The following THSD7B variants were observed in gnomAD, a reference collection of about 807,000 sequenced individuals.
The protein encoded by THSD7B is thrombospondin type 1 domain containing 7B.
A neutral mutation model predicts 213.6 loss-of-function variants in THSD7B; 138 were observed. The observed-to-expected ratio is 0.65, with a 90% CI of 0.56 to 0.74. THSD7B has a LOEUF of 0.74. Ranked by LOEUF, THSD7B falls within the 30% of genes least tolerant of loss-of-function variation. The pLI, the probability that THSD7B is intolerant of heterozygous loss-of-function variation, is 0.00. For missense variants in THSD7B, 1,931 were observed against 1,991.5 expected (o/e 0.97, Z 0.58); for synonymous variants, 742 against 687.0 (o/e 1.08, Z -1.25).
intron 3 of THSD7B, among the ~76,000 whole-genome samples, chr2:137,093,756 T>G (rs1316258658): frequency 1.3e-5 from 2 of 151,386 alleles, no homozygotes; most frequent in Admixed American, 1.3e-4. Context: ...CATTATCTTT[T>G]TTTTTAATTT....
intron 9 of THSD7B, among the ~76,000 whole-genome samples, chr2:137,241,815 G>A (rs1681912157): frequency 6.6e-6 from 1 of 151,814 alleles, no homozygotes; most frequent in Admixed American, 6.6e-5. Flanking sequence ...AGGCTGAGGT[G>A]TGAGAGTCAC....
At chr2:136,808,022 A>C (rs890611549) in intron 1 of THSD7B, among the ~76,000 whole-genome samples, 3 of 152,170 alleles carry the variant, frequency 2.0e-5, no homozygotes, top group African/African-American at 7.2e-5. Context: ...GCTAAATAGG[A>C]CTTCCTACTG....
intron 15 of THSD7B, among the ~76,000 whole-genome samples, chr2:137,464,934 C>A (rs1687962950): frequency 6.6e-6 from 1 of 151,958 alleles, no homozygotes; most frequent in African/African-American, 2.4e-5. Context: ...TCTCTCTCTG[C>A]AATCTTATGT....
chr2:137,486,255 C>T (rs928341658), intron 15 of THSD7B, among the ~76,000 whole-genome samples: 8 of 151,690 alleles, frequency 5.3e-5, no homozygotes, highest in Non-Finnish European at 1.2e-4. Context: ...AAACCCATCT[C>T]ACGTGCAGAG....
intron 21 of THSD7B, among the ~76,000 whole-genome samples, chr2:137,654,932 C>A (rs1683207157): frequency 6.6e-6 from 1 of 152,124 alleles, no homozygotes; most frequent in Non-Finnish European, 1.5e-5. Flanking sequence ...AGACACTGTA[C>A]AAATTTTTTC....
Position 137,649,906 on chromosome 2 carries a change from G to A in THSD7B, c.3946-5595G>A, listed in dbSNP as rs141352602. Among the ~76,000 whole-genome samples, 81 of 151,998 alleles carry A rather than the reference G, an allele frequency of 5.3e-4. 1 individual carries two copies. The highest frequency in any genetic ancestry group is 1.9e-3 in the African/African-American group (79 of 41,450). On this transcript the variant is annotated intron_variant, in intron 21 of 27. Coordinates refer to ENST00000409968, the MANE Select transcript of THSD7B (RefSeq NM_001316349.2). ...CCCTCAGGAGTTTGAGACCAGCTTG[G>A]GTAACATAGTGAGACCTAATCTCTA... is the stretch of plus-strand genomic sequence containing the variant.
At chr2:137,309,906 T>C (rs1376641945) in intron 12 of THSD7B, among the ~76,000 whole-genome samples, 2 of 152,100 alleles carry the variant, frequency 1.3e-5, no homozygotes, top group African/African-American at 4.8e-5. Flanking sequence ...TGGTCTATCA[T>C]TGTTGGACAT....
chr2:136,860,962 G>A lies in THSD7B; in HGVS notation c.-35-21182G>A, dbSNP rs115100988. Reference sequence around the variant, plus strand: ...CTCAGGACATCAGCACTTACTGTTGGTTTTGCCTAGAACGCTGTTTCGCAG... The same window carrying A: ...CTCAGGACATCAGCACTTACTGTTGATTTTGCCTAGAACGCTGTTTCGCAG... On this transcript the variant is annotated intron_variant, in intron 1 of 27. Transcript: ENST00000409968. Among the ~76,000 whole-genome samples the A allele has an allele frequency of 5.1e-4, 78 of 152,346 alleles. 1 individual carries two copies. The highest frequency in any genetic ancestry group is 1.7e-3 in the African/African-American group (71 of 41,582).
At chr2:136,901,215 A>G (rs1405191093) in intron 2 of THSD7B, among the ~76,000 whole-genome samples, 1 of 152,212 alleles carries the variant, frequency 6.6e-6, no homozygotes. Context: ...TATGTGTCAG[A>G]TGCTGTGCTG....
chr2:136,828,461 C>G (rs1260160308), intron 1 of THSD7B, among the ~76,000 whole-genome samples: 2 of 152,144 alleles, frequency 1.3e-5, no homozygotes, highest in African/African-American at 4.8e-5. Context: ...TCTTAAATAT[C>G]TCCCCATATC....
chr2:136,992,963 C>T (rs1271107302), intron 2 of THSD7B, among the ~76,000 whole-genome samples: 1 of 152,126 alleles, frequency 6.6e-6, no homozygotes, highest in East Asian at 1.9e-4. Context: ...TTTTGAGTTC[C>T]AACTGTTCCT....
At position 137,167,469 on chromosome 2, in the gene THSD7B, A is replaced by G. The variant is rs185983328; in HGVS notation, c.1526-3272A>G. 1.3e-5 allele frequency among the ~76,000 whole-genome samples: 2 copies of G among 152,238 alleles called. 1 individual carries two copies. Among genetic ancestry groups the G allele is most frequent in the Admixed American group, 1.3e-4 (2 of 15,286 alleles). On this transcript the variant is annotated intron_variant, in intron 6 of 27. Transcript: ENST00000409968. ...GTCCCAATGGAGTCGGTGTTGAGAC[A>G]TAACATTGCCTGTGGATAGCTCATG...
chr2:137,379,964 C>G (rs2104962201), intron 12 of THSD7B, among the ~76,000 whole-genome samples: 1 of 152,324 alleles, frequency 6.6e-6, no homozygotes, highest in East Asian at 1.9e-4. Context: ...TGGGAAGACT[C>G]TGTTGCAAAC....
intron 12 of THSD7B, among the ~76,000 whole-genome samples, chr2:137,374,510 C>G (rs1002396107): frequency 1.3e-5 from 2 of 152,124 alleles, no homozygotes; most frequent in Non-Finnish European, 2.9e-5. Flanking sequence ...CCATCTTTAT[C>G]GGTAAGTCCA....
In THSD7B at chr2:137,118,947, A is replaced by G. The variant is rs79603329; in HGVS notation, c.1369+3654A>G. Among the ~76,000 whole-genome samples, 565 of 152,272 alleles carry G rather than the reference A, an allele frequency of 3.7e-3. 2 individuals carry two copies. Among genetic ancestry groups the G allele is most frequent in the African/African-American group, 0.013 (541 of 41,570 alleles). On this transcript the variant is annotated intron_variant, in intron 5 of 27. Coordinates refer to ENST00000409968, the MANE Select transcript of THSD7B (RefSeq NM_001316349.2). ...AAAAGGAGTGTCCCCTTATAAAACC[A>G]TCAGATCTCATGAGACTTATTCACT...
chr2:137,005,914 G>A (rs572461148), intron 2 of THSD7B, among the ~76,000 whole-genome samples: 56 of 152,256 alleles, frequency 3.7e-4, no homozygotes, highest in Middle Eastern at 3.4e-3. Flanking sequence ...GTGCATATAC[G>A]TATGTGTCTG....
At chr2:137,287,713 C>T (rs773027037) in intron 12 of THSD7B, among the ~76,000 whole-genome samples, 13 of 152,150 alleles carry the variant, frequency 8.5e-5, no homozygotes, top group Admixed American at 2.0e-4. Flanking sequence ...TCTTGTACCT[C>T]CACTGCACCC....
In THSD7B at chr2:137,677,180, G is replaced by GTT. The variant is rs1329723063; in HGVS notation, c.*578_*579dup. 6.6e-6 allele frequency: 1 copy of GTT among 152,558 alleles called. No individual in the cohort carries two copies. The highest frequency in any genetic ancestry group is 1.5e-5 in the Non-Finnish European group (1 of 68,018). 9.5% of individuals were successfully genotyped at this position (152,558 alleles called of 1,614,324 possible). A position where few individuals can be genotyped will look rare whatever the true frequency, so the allele number is the denominator to read the frequency against. On this transcript the variant is annotated 3_prime_UTR_variant, in exon 28 of 28. Transcript: ENST00000409968. ...TTTTAACCTTTAAATATTGTATTTT[G>GTT]TTTTGTAGCCAGGGGATGATGGCGC...
At chr2:137,569,476 A>T (rs1215204877) in intron 16 of THSD7B, among the ~76,000 whole-genome samples, 2 of 152,078 alleles carry the variant, frequency 1.3e-5, no homozygotes. Flanking sequence ...GGGGGAGGGG[A>T]TGGGCAATCA....
Sources: gnomAD v4.1 joint callset for allele counts (sites outside exome capture counted in the v4.1 genomes callset) on GRCh38, gnomAD v4.1.1 for gene constraint, MANE v1.5 for transcripts, NCBI Gene and HGNC (gene_info 2026-07-23, HGNC 2026-07-21) for gene names.